SGCZ: variants seen among roughly 807,000 people sequenced by gnomAD.
The protein encoded by SGCZ is zeta-sarcoglycan.
SGCZ carries 40 observed loss-of-function variants against 41.3 expected under a neutral mutation model. The ratio of observed to expected loss-of-function variants is 0.97; its 90% confidence interval spans 0.75 to 1.26. The LOEUF is 1.26. SGCZ is among the 50% of genes most tolerant of loss of function. The pLI is 0.00. For missense variants in SGCZ, 552 were observed against 369.8 expected (o/e 1.49, Z -4.04); for synonymous variants, 206 against 137.5 (o/e 1.50, Z -3.49).
chr8:14,580,595 TG>T (rs1413373692), intron 1 of SGCZ, among the ~76,000 whole-genome samples: 1 of 152,136 alleles, frequency 6.6e-6, no homozygotes, highest in Non-Finnish European at 1.5e-5. Flanking sequence ...GAAAATAAAT[TG>T]GAAATACAAC....
intron 2 of SGCZ, among the ~76,000 whole-genome samples, chr8:14,334,023 A>T (rs1802425734): frequency 6.6e-6 from 1 of 152,116 alleles, no homozygotes; most frequent in African/African-American, 2.4e-5. Flanking sequence ...TTCAGTAAAA[A>T]ATGAGCCAGG....
At chr8:14,934,820 A>G (rs1347524785) in intron 1 of SGCZ, among the ~76,000 whole-genome samples, 1 of 151,776 alleles carries the variant, frequency 6.6e-6, no homozygotes, top group African/African-American at 2.4e-5. Flanking sequence ...ATATATCTGA[A>G]GAAATAATAT....
At chr8:14,602,719 T>C (rs1343404432) in intron 1 of SGCZ, among the ~76,000 whole-genome samples, 1 of 152,190 alleles carries the variant, frequency 6.6e-6, no homozygotes, top group Admixed American at 6.5e-5. Context: ...CCTGTTATTC[T>C]ATACTGTCGT....
At chr8:14,730,549 C>G (rs1041343320) in intron 1 of SGCZ, among the ~76,000 whole-genome samples, 5 of 148,722 alleles carry the variant, frequency 3.4e-5, no homozygotes, top group Non-Finnish European at 6.0e-5. Flanking sequence ...GAATCAGAAA[C>G]AACATACAAC....
At chr8:14,238,590 T>C (rs1398130684) in intron 3 of SGCZ, among the ~76,000 whole-genome samples, 1 of 152,184 alleles carries the variant, frequency 6.6e-6, no homozygotes, top group Non-Finnish European at 1.5e-5. Context: ...GCTCACATAT[T>C]AGGCTTCTGT....
intron 4 of SGCZ, among the ~76,000 whole-genome samples, chr8:14,234,691 CAAG>C (rs1806692955): frequency 6.6e-6 from 1 of 151,896 alleles, no homozygotes; most frequent in African/African-American, 2.4e-5. Flanking sequence ...AAGAAATAGA[CAAG>C]GAGGGTTAGA....
intron 7 of SGCZ, 40 bp downstream of exon 7, chr8:14,102,336 T>C (rs961224745): frequency 2.9e-5 from 39 of 1,365,488 alleles, no homozygotes; most frequent in Non-Finnish European, 3.7e-5. Flanking sequence ...GTTTTCAAAG[T>C]GGGCAGTATA....
chr8:14,414,640 A>G (rs375155490), intron 2 of SGCZ, among the ~76,000 whole-genome samples: 3 of 152,142 alleles, frequency 2.0e-5, no homozygotes, highest in African/African-American at 7.2e-5. Context: ...AACCAATGCT[A>G]TAGCCACAAG....
chr8:14,791,988 A>C (rs995239532), intron 1 of SGCZ, among the ~76,000 whole-genome samples: 2 of 152,256 alleles, frequency 1.3e-5, no homozygotes, highest in African/African-American at 4.8e-5. Context: ...GTAAATAATG[A>C]TGTAATCCAC....
intron 1 of SGCZ, among the ~76,000 whole-genome samples, chr8:14,736,190 T>C (rs1165542782): frequency 6.6e-6 from 1 of 152,176 alleles, no homozygotes; most frequent in African/African-American, 2.4e-5. Flanking sequence ...AGCCATGTTT[T>C]GTAGAGGTTC....
chr8:15,158,269 T>C (rs1001942113), intron 1 of SGCZ, among the ~76,000 whole-genome samples: 7 of 152,166 alleles, frequency 4.6e-5, no homozygotes, highest in Admixed American at 3.3e-4. Flanking sequence ...TATCCTCCGT[T>C]ATCCATTTTT....
At chr8:15,145,007 T>G (rs1799000349) in intron 1 of SGCZ, among the ~76,000 whole-genome samples, 1 of 152,188 alleles carries the variant, frequency 6.6e-6, no homozygotes, top group African/African-American at 2.4e-5. Context: ...ATTTTAGCTG[T>G]TTAGCCCTGT....
intron 4 of SGCZ, among the ~76,000 whole-genome samples, chr8:14,168,032 G>T (rs370674807): frequency 6.6e-6 from 1 of 152,226 alleles, no homozygotes; most frequent in East Asian, 1.9e-4. Flanking sequence ...GATAAAAATG[G>T]ATATAGCTGC....
intron 3 of SGCZ, among the ~76,000 whole-genome samples, chr8:14,274,182 C>G (rs191159890): frequency 4.7e-4 from 72 of 152,030 alleles, no homozygotes; most frequent in African/African-American, 1.7e-3. Context: ...TTTGCTTTTT[C>G]AAACGGTAAT....
intron 1 of SGCZ, among the ~76,000 whole-genome samples, chr8:14,790,744 T>C (rs1800923111): frequency 6.6e-6 from 1 of 152,074 alleles, no homozygotes; most frequent in Non-Finnish European, 1.5e-5. Context: ...CAGAAAATAG[T>C]ATACAGCCAG....
At chr8:14,447,579 T>G (rs747001365) in intron 2 of SGCZ, among the ~76,000 whole-genome samples, 5 of 152,166 alleles carry the variant, frequency 3.3e-5, no homozygotes, top group Non-Finnish European at 5.9e-5. Context: ...CAATCAACAT[T>G]ACAACTCTTA....
At chr8:14,129,256 G>T (rs977801915) in intron 5 of SGCZ, among the ~76,000 whole-genome samples, 2 of 140,888 alleles carry the variant, frequency 1.4e-5, no homozygotes, top group African/African-American at 5.2e-5. Flanking sequence ...AGAGAGAAGA[G>T]AATTGCTTGA....
At chr8:14,736,323 G>T (rs754796201) in intron 1 of SGCZ, among the ~76,000 whole-genome samples, 19 of 152,014 alleles carry the variant, frequency 1.2e-4, no homozygotes, top group Non-Finnish European at 1.8e-4. Context: ...CCTTTAAATA[G>T]TCTGCAACAT....
chr8:14,610,575 T>A (rs1353447310), intron 1 of SGCZ, among the ~76,000 whole-genome samples: 1 of 152,158 alleles, frequency 6.6e-6, no homozygotes, highest in Non-Finnish European at 1.5e-5. Flanking sequence ...CTCCTATTAA[T>A]CTATCTGATG....
Sources: allele counts gnomAD v4.1 joint callset (sites outside exome capture counted in the v4.1 genomes callset), GRCh38; gene constraint gnomAD v4.1.1; transcripts MANE v1.5; gene names NCBI Gene and HGNC (gene_info 2026-07-23, HGNC 2026-07-21).